PDE1C: variants seen among roughly 807,000 people sequenced by gnomAD.
PDE1C encodes the protein phosphodiesterase 1C, also known as dual specificity calcium/calmodulin-dependent 3',5'-cyclic nucleotide phosphodiesterase 1C.
Under a neutral mutation model 93.1 loss-of-function variants are expected in PDE1C, and 62 were observed. That is an observed-to-expected ratio of 0.67 (90% CI 0.54 to 0.82). PDE1C has a LOEUF of 0.82. PDE1C is among the 40% of genes least tolerant of loss of function. PDE1C has a pLI of 0.00. For missense variants in PDE1C, 742 were observed against 884.6 expected (o/e 0.84, Z 2.04); for synonymous variants, 325 against 310.1 (o/e 1.05, Z -0.50).
intron 1 of PDE1C, among the ~76,000 whole-genome samples, chr7:32,341,143 G>C (rs1355331622): frequency 7.1e-6 from 1 of 141,144 alleles, no homozygotes; most frequent in African/African-American, 2.6e-5. Context: ...CAATTTTGCT[G>C]TCAACCTAAA....
intron 16 of PDE1C, among the ~76,000 whole-genome samples, chr7:31,781,346 T>C (rs780191251): frequency 5.9e-5 from 9 of 152,334 alleles, no homozygotes; most frequent in Middle Eastern, 3.4e-3. Context: ...AATGTTATTA[T>C]AGTACAACCA....
At chr7:32,311,854 A>C (rs1032240192) in intron 1 of PDE1C, among the ~76,000 whole-genome samples, 3 of 152,224 alleles carry the variant, frequency 2.0e-5, no homozygotes, top group Non-Finnish European at 4.4e-5. Context: ...CAAGACAGGC[A>C]TGCCCTCTCT....
intron 3 of PDE1C, among the ~76,000 whole-genome samples, chr7:32,154,136 G>A (rs190557279): frequency 6.6e-6 from 1 of 152,230 alleles, no homozygotes; most frequent in Non-Finnish European, 1.5e-5. Flanking sequence ...ACTTGCACCT[G>A]TGGTCCCAGC....
chr7:32,291,542 C>T (rs1412336040), intron 1 of PDE1C, among the ~76,000 whole-genome samples: 1 of 152,220 alleles, frequency 6.6e-6, no homozygotes, highest in Non-Finnish European at 1.5e-5. Context: ...CATGGACTTG[C>T]CTTTGGTCCT....
At chr7:32,242,766 C>A (rs185574524) in intron 1 of PDE1C, among the ~76,000 whole-genome samples, 51 of 152,152 alleles carry the variant, frequency 3.4e-4, no homozygotes, top group African/African-American at 1.0e-3. Context: ...GGCTTGGGGG[C>A]CATGGGAGAA....
chr7:31,746,747 G>A (rs1794014408), downstream of PDE1C, among the ~76,000 whole-genome samples: 1 of 152,136 alleles, frequency 6.6e-6, no homozygotes, highest in South Asian at 2.1e-4. Flanking sequence ...GATATCCACA[G>A]AAGTAGGAAA....
chr7:32,357,189 C>T (rs1784047053), intron 1 of PDE1C, among the ~76,000 whole-genome samples: 1 of 151,988 alleles, frequency 6.6e-6, no homozygotes, highest in Admixed American at 6.6e-5. Context: ...AAAAAATTAG[C>T]CGGGCATGGT....
intron 1 of PDE1C, among the ~76,000 whole-genome samples, chr7:32,384,638 C>G (rs542646526): frequency 6.6e-6 from 1 of 152,200 alleles, no homozygotes; most frequent in Non-Finnish European, 1.5e-5. Flanking sequence ...CATGGGTACA[C>G]AGGGACTAGA....
At chr7:31,948,661 G>A (rs147980236) in intron 2 of PDE1C, among the ~76,000 whole-genome samples, 12 of 152,088 alleles carry the variant, frequency 7.9e-5, no homozygotes, top group South Asian at 2.1e-4. Context: ...ATCTTTTTGC[G>A]GAGATGGGAG....
intron 1 of PDE1C, among the ~76,000 whole-genome samples, chr7:32,267,172 G>A (rs1316233684): frequency 2.0e-5 from 3 of 152,212 alleles, no homozygotes; most frequent in Non-Finnish European, 2.9e-5. Context: ...TTAGAGACCC[G>A]ACCCTGAGCA....
the PDE1C span, chr7:31,642,210 T>G: frequency 6.4e-7 from 1 of 1,561,610 alleles, no homozygotes; most frequent in Non-Finnish European, 8.7e-7. Context: ...GCTGCCAGTC[T>G]GACAGCAGCG....
At chr7:32,310,926 G>C (rs968739807) in intron 1 of PDE1C, among the ~76,000 whole-genome samples, 4 of 152,070 alleles carry the variant, frequency 2.6e-5, no homozygotes, top group African/African-American at 9.7e-5. Context: ...AGGAAATAGA[G>C]ACACAAAAAA....
chr7:32,251,273 G>A (rs1809355527), intron 1 of PDE1C, among the ~76,000 whole-genome samples: 1 of 152,074 alleles, frequency 6.6e-6, no homozygotes, highest in Non-Finnish European at 1.5e-5. Context: ...CCCAGGACTA[G>A]GCCCGTCATG....
intron 1 of PDE1C, among the ~76,000 whole-genome samples, chr7:32,358,743 A>G (rs1336108159): frequency 6.6e-6 from 1 of 152,178 alleles, no homozygotes; most frequent in African/African-American, 2.4e-5. Context: ...GGAAATTGAG[A>G]CACAGGAAAG....
chr7:32,398,163 AT>A (rs1446569724), intron 1 of PDE1C, among the ~76,000 whole-genome samples: 6 of 151,372 alleles, frequency 4.0e-5, no homozygotes, highest in Non-Finnish European at 5.9e-5. Flanking sequence ...AAAAAAAAAA[AT>A]TAGCCAAGCA....
the PDE1C span, among the ~76,000 whole-genome samples, chr7:31,742,949 CTCT>C: frequency 7.9e-5 from 12 of 152,188 alleles, no homozygotes; most frequent in Admixed American, 5.9e-4. Flanking sequence ...TGCCCAAACT[CTCT>C]TCAACTCTCT....
intron 1 of PDE1C, among the ~76,000 whole-genome samples, chr7:32,380,299 A>G (rs1217904684): frequency 1.3e-5 from 2 of 150,990 alleles, no homozygotes; most frequent in African/African-American, 2.4e-5. Flanking sequence ...GTGCAGTGGC[A>G]TGATCTTGGC....
chr7:31,997,411 T>C (rs1784854159), intron 2 of PDE1C, among the ~76,000 whole-genome samples: 1 of 152,210 alleles, frequency 6.6e-6, no homozygotes, highest in Admixed American at 6.5e-5. Flanking sequence ...GATTCAGGTC[T>C]TTTTGTGGAC....
intron 1 of PDE1C, among the ~76,000 whole-genome samples, chr7:32,061,956 A>G (rs1414912725): frequency 1.3e-5 from 2 of 152,168 alleles, no homozygotes; most frequent in African/African-American, 4.8e-5. Flanking sequence ...TCAGATATAC[A>G]CAGAATTTTC....
Sources: allele counts gnomAD v4.1 joint callset (sites outside exome capture counted in the v4.1 genomes callset), GRCh38; gene constraint gnomAD v4.1.1; transcripts MANE v1.5; gene names NCBI Gene and HGNC (gene_info 2026-07-23, HGNC 2026-07-21).